Variants in ADGRD2 observed in about 807,000 individuals in gnomAD.
ADGRD2 encodes G protein-coupled receptor PGR24.
A neutral mutation model predicts 44.4 loss-of-function variants in ADGRD2; 71 were observed. The observed-to-expected ratio is 1.60, with a 90% CI of 1.32 to 1.95. ADGRD2 has a LOEUF of 1.95. ADGRD2 is among the 30% of genes most tolerant of loss of function. The pLI, the probability that ADGRD2 is intolerant of heterozygous loss-of-function variation, is 0.00. For synonymous variants in ADGRD2, 481 were observed against 224.8 expected, an observed-to-expected ratio of 2.14 and a Z score of -10.19; for missense variants, 1,039 against 512.4, an observed-to-expected ratio of 2.03 and a Z score of -9.92.
chr9:124,469,624 G>C, intron 16 of ADGRD2, 77 bp downstream of exon 19: 1 of 697,206 alleles, frequency 1.4e-6, no homozygotes, highest in South Asian at 1.6e-5. Flanking sequence ...GGCTCACTGG[G>C]CGAGAGCACG....
chr9:124,468,140 G>T, exon 13 of ADGRD2: 1 of 718,588 alleles, frequency 1.4e-6, no homozygotes, highest in East Asian at 2.7e-5. Context: ...CTTCTCCCTG[G>T]CCTCTGCCGA....
exon 12 of ADGRD2, chr9:124,467,750 G>A (rs1406233021): frequency 1.4e-6 from 1 of 718,544 alleles, no homozygotes; most frequent in Admixed American, 2.0e-5. Flanking sequence ...CGCTGCTGAG[G>A]ACTCTGTCAT....
chr9:124,456,724 CGCCATGCTGGTGA>C lies in ADGRD2; in HGVS notation c.1500_1505+7del. 1.4e-6 allele frequency: 1 copy of C among 708,520 alleles called. No homozygotes were observed. The highest frequency in any genetic ancestry group is 2.6e-6 in the Non-Finnish European group (1 of 384,994). The allele number at this position is 708,520 out of a possible 1,614,324, so 43.9% of individuals were successfully genotyped here. A position where few individuals can be genotyped will look rare whatever the true frequency, so the allele number is the denominator to read the frequency against. ...GCGGCCCCGAATGCGCATCCAGCAC[CGCCATGCTGGTGA>C]GCCTGCACCCACCTGCCCACACGGC... On this transcript the variant is annotated splice_donor_variant and splice_donor_region_variant and coding_sequence_variant and intron_variant, in exon 7 of 22. Coordinates refer to ENST00000334810, the Ensembl canonical transcript of ADGRD2. LOFTEE classifies it high-confidence loss of function.
At chr9:124,473,704 A>G (rs1831993381) in intron 17 of ADGRD2, among the ~76,000 whole-genome samples, 1 of 152,316 alleles carries the variant, frequency 6.6e-6, no homozygotes, top group African/African-American at 2.4e-5. Flanking sequence ...ACACAACCAC[A>G]GTGTGTCATG....
At chr9:124,463,821 G>A (rs990633463) in intron 10 of ADGRD2, among the ~76,000 whole-genome samples, 6 of 151,884 alleles carry the variant, frequency 4.0e-5, no homozygotes, top group Non-Finnish European at 5.9e-5. Flanking sequence ...TTACAATTTT[G>A]CTTATATTTT....
At chr9:124,468,139 G>T (rs1311223478) in exon 13 of ADGRD2, 2 of 718,592 alleles carry the variant, frequency 2.8e-6, no homozygotes, top group Non-Finnish European at 5.2e-6. Context: ...CCTTCTCCCT[G>T]GCCTCTGCCG....
At chr9:124,471,453 TGAA>T (rs1213468366) in intron 17 of ADGRD2, among the ~76,000 whole-genome samples, 6 of 152,030 alleles carry the variant, frequency 3.9e-5, no homozygotes, top group Admixed American at 1.3e-4. Context: ...ATCTTTTCCT[TGAA>T]GAAGGAGAGC....
chr9:124,453,226 G>T (rs1392965094), exon 3 of ADGRD2: 1 of 595,432 alleles, frequency 1.7e-6, no homozygotes, highest in Non-Finnish European at 2.9e-6. Flanking sequence ...GCAGCTGCGC[G>T]CCTTCGCCGA....
At chr9:124,467,817 G>A in exon 12 of ADGRD2, 1 of 718,500 alleles carries the variant, frequency 1.4e-6, no homozygotes, top group Non-Finnish European at 2.6e-6. Context: ...GCTCTTCCTG[G>A]TGGCCGGGTG....
Position 124,455,129 on chromosome 9 carries a change from TGAGGCTGGC to T in ADGRD2, c.1393+3_1393+11del. 1 of 696,846 alleles carries T rather than the reference TGAGGCTGGC, an allele frequency of 1.4e-6. No individual in the cohort carries two copies. The highest frequency in any genetic ancestry group is 2.7e-6 in the Non-Finnish European group (1 of 370,974). 43.2% of individuals were successfully genotyped at this position (696,846 alleles called of 1,614,324 possible). Reference sequence around the variant, plus strand: ...GACACATGGCTCTCCCTCCGTGAAGTGAGGCTGGCAGGGCTGGGTGGGGCAGGGGCCTGG... The same window carrying T: ...GACACATGGCTCTCCCTCCGTGAAGTAGGGCTGGGTGGGGCAGGGGCCTGG... On this transcript the variant is annotated splice_donor_5th_base_variant and intron_variant, in intron 6 of 21. Coordinates refer to ENST00000334810, the Ensembl canonical transcript of ADGRD2.
At chr9:124,464,972 C>T (rs1056226858) in intron 10 of ADGRD2, among the ~76,000 whole-genome samples, 1 of 152,188 alleles carries the variant, frequency 6.6e-6, no homozygotes, top group South Asian at 2.1e-4. Context: ...TTACCAGAGG[C>T]AGTGTCCCAA....
chr9:124,471,624 C>T (rs1229166905), intron 17 of ADGRD2, among the ~76,000 whole-genome samples: 1 of 152,188 alleles, frequency 6.6e-6, no homozygotes, highest in African/African-American at 2.4e-5. Flanking sequence ...AGCGGGGGCA[C>T]CACTCCAGAG....
chr9:124,468,462 C>T, intron 13 of ADGRD2, 57 bp from the exon 17 acceptor site: 1 of 716,116 alleles, frequency 1.4e-6, no homozygotes. Flanking sequence ...GGCCGCGGGG[C>T]TGGCCTGCAC....
At chr9:124,471,454 G>A (rs1448526649) in intron 17 of ADGRD2, among the ~76,000 whole-genome samples, 1 of 152,186 alleles carries the variant, frequency 6.6e-6, no homozygotes, top group Non-Finnish European at 1.5e-5. Context: ...TCTTTTCCTT[G>A]AAGAAGGAGA....
upstream of ADGRD2, among the ~76,000 whole-genome samples, chr9:124,450,876 C>G (rs933211761): frequency 6.6e-6 from 1 of 152,200 alleles, no homozygotes; most frequent in Admixed American, 6.5e-5. Flanking sequence ...GTCAGGACAC[C>G]GTGTTTTCTC....
chr9:124,453,414 C>G (rs977690137), exon 3 of ADGRD2: 1 of 615,596 alleles, frequency 1.6e-6, no homozygotes, highest in South Asian at 1.8e-5. Flanking sequence ...GGCTGGGCGC[C>G]GGCCACCCGG....
intron 11 of ADGRD2, among the ~76,000 whole-genome samples, 159 bp from the exon 15 acceptor site, chr9:124,467,562 A>C (rs1831848259): frequency 6.6e-6 from 1 of 152,108 alleles, no homozygotes. Context: ...ACACCTGCTT[A>C]TTAAATGCCT....
chr9:124,456,538 C>T, intron 6 of ADGRD2, 84 bp from the exon 10 acceptor site: 1 of 697,730 alleles, frequency 1.4e-6, no homozygotes, highest in South Asian at 1.5e-5. Flanking sequence ...CCTCCCAGAT[C>T]ATGGAGCATT....
chr9:124,454,579 C>G lies in ADGRD2; in HGVS notation c.1108+10C>G, dbSNP rs1247970066. 1 of 713,334 alleles carries G rather than the reference C, an allele frequency of 1.4e-6. No homozygotes were observed. Among genetic ancestry groups the G allele is most frequent in the South Asian group, 1.5e-5 (1 of 67,474 alleles). The allele number at this position is 713,334 out of a possible 1,614,324, so 44.2% of individuals were successfully genotyped here. A position where few individuals can be genotyped will look rare whatever the true frequency, so the allele number is the denominator to read the frequency against. ...GGCCAACGACATTGTGGTGAGCTCC[C>G]TCTCAGGGGCTGGAAAGCCTGGGGG... On this transcript the variant is annotated intron_variant, in intron 5 of 21. Coordinates refer to ENST00000334810, the Ensembl canonical transcript of ADGRD2. This position sits in a 1 kb window ranked among gnomAD's most constrained non-coding sequence, Gnocchi z 4.5.
Sources: allele counts gnomAD v4.1 joint callset (sites outside exome capture counted in the v4.1 genomes callset), GRCh38; gene constraint gnomAD v4.1.1; non-coding constraint Gnocchi (gnomAD v3.1); transcripts MANE v1.5; gene names NCBI Gene and HGNC (gene_info 2026-07-23, HGNC 2026-07-21).